KLHDC4: variants seen among roughly 807,000 people sequenced by gnomAD.
KLHDC4 encodes the protein kelch domain containing 4.
In KLHDC4, 90 loss-of-function variants were observed where a neutral mutation model predicts 62.4. The ratio of observed to expected loss-of-function variants is 1.44; its 90% CI spans 1.22 to 1.72. The LOEUF (loss-of-function observed/expected upper bound fraction) is 1.72. Ranked by LOEUF, KLHDC4 falls within the 40% of genes most tolerant of loss-of-function variation. The pLI is 0.00. For missense variants in KLHDC4, 1,025 were observed against 699.7 expected (o/e 1.47, Z -5.25); for synonymous variants, 386 against 284.4 (o/e 1.36, Z -3.59).
intron 5 of KLHDC4, among the ~76,000 whole-genome samples, chr16:87,731,559 A>T (rs1324582174): frequency 1.3e-5 from 2 of 152,118 alleles, no homozygotes; most frequent in African/African-American, 4.8e-5. Flanking sequence ...ACTTCCTACC[A>T]CACATGGCTG....
chr16:87,725,610 T>G (rs968158628), intron 7 of KLHDC4, among the ~76,000 whole-genome samples: 6 of 152,152 alleles, frequency 3.9e-5, no homozygotes, highest in African/African-American at 1.4e-4. Context: ...ACTTCATACC[T>G]CTCAGATTCA....
At chr16:87,699,732 C>A (rs2034052713) in exon 1 of KLHDC4, 1 of 152,266 alleles carries the variant, frequency 6.6e-6, no homozygotes, top group Non-Finnish European at 1.5e-5. Flanking sequence ...GACGGGCCCT[C>A]CCCTGCATTC....
intron 4 of KLHDC4, among the ~76,000 whole-genome samples, chr16:87,753,643 T>C (rs931748993): frequency 3.3e-5 from 5 of 150,378 alleles, no homozygotes; most frequent in African/African-American, 1.2e-4. Context: ...CTACTGAAAA[T>C]ACAAAAAATT....
chr16:87,744,556 C>G (rs1379264012), intron 5 of KLHDC4, among the ~76,000 whole-genome samples: 1 of 150,578 alleles, frequency 6.6e-6, no homozygotes, highest in Non-Finnish European at 1.5e-5. Flanking sequence ...GCACTCCAGC[C>G]TGGGCAACAG....
intron 3 of KLHDC4, chr16:87,755,847 G>C (rs970676458): frequency 6.1e-6 from 1 of 163,588 alleles, no homozygotes; most frequent in African/African-American, 2.4e-5. Context: ...TTACAGGCAT[G>C]AGCCACTGTA....
exon 1 of KLHDC4, chr16:87,698,386 CTCCTGCTCTGTGCAGCTCTCACAA>C (rs1363017649): frequency 9.0e-6 from 1 of 110,988 alleles, no homozygotes; most frequent in African/African-American, 5.6e-5. Context: ...AGCTCTCAGA[CTCCTGCTCTGTGCAGCTCTCACAA>C]AGATCACAGC....
intron 5 of KLHDC4, among the ~76,000 whole-genome samples, chr16:87,737,519 C>T (rs535190572): frequency 6.6e-6 from 1 of 150,750 alleles, no homozygotes; most frequent in South Asian, 2.1e-4. Context: ...ACTCAGGAGG[C>T]GGAGGTTGCC....
chr16:87,702,794 A>G (rs967024698), upstream of KLHDC4, among the ~76,000 whole-genome samples: 1 of 152,238 alleles, frequency 6.6e-6, no homozygotes, highest in Non-Finnish European at 1.5e-5. Flanking sequence ...GCCCTGGCGC[A>G]TGTGAACTGC....
In KLHDC4 at chr16:87,711,222, GA is replaced by G. The variant is rs764604447; in HGVS notation, c.1044+12del. On this transcript the variant is annotated intron_variant, in intron 9 of 11. Coordinates refer to ENST00000270583, the MANE Select transcript of KLHDC4 (RefSeq NM_017566.4). ...TGCGCACCACGGCGCATGCTACTCA[GA>G]GGTTGCACTACCTTCAGCTGTCCCT... The G allele has an allele frequency of 3.2e-4, 510 of 1,613,672 alleles. No individual in the cohort carries two copies. Among genetic ancestry groups the G allele is most frequent in the Non-Finnish European group, 4.0e-4 (470 of 1,179,848 alleles).
At chr16:87,737,556 C>G (rs959299268) in intron 5 of KLHDC4, among the ~76,000 whole-genome samples, 1 of 151,792 alleles carries the variant, frequency 6.6e-6, no homozygotes, top group African/African-American at 2.4e-5. Context: ...CCACCGCACT[C>G]CAGCTCACCT....
At chr16:87,703,207 G>C (rs976682164), downstream of KLHDC4, 2 of 152,102 alleles carry the variant, frequency 1.3e-5, no homozygotes, top group Admixed American at 6.5e-5. Flanking sequence ...GGAATCGCGA[G>C]TGAGTTCCAT....
Position 87,765,971 on chromosome 16 carries a change from G to A in KLHDC4, c.-81C>T, listed in dbSNP as rs2046607316. The A allele has an allele frequency of 1.5e-6, 2 of 1,357,924 alleles. No homozygotes were observed. The highest frequency in any genetic ancestry group is 1.4e-5 in the African/African-American group (1 of 69,328). 84.1% of individuals were successfully genotyped at this position (1,357,924 alleles called of 1,614,324 possible). A position where few individuals can be genotyped will look rare whatever the true frequency, so the allele number is the denominator to read the frequency against. On this transcript the variant is annotated 5_prime_UTR_variant, in exon 1 of 12. Transcript: ENST00000270583. ...CCGCTCGGAAACAGGTGCTCGTGGG[G>A]CGGAGCTCGGCGCACAGAAATGGAG...
chr16:87,740,774 C>T (rs1185824822), intron 5 of KLHDC4: 3 of 152,292 alleles, frequency 2.0e-5, no homozygotes, highest in Non-Finnish European at 4.4e-5. Context: ...ATTAACACCA[C>T]TGCCCTGAGC....
intron 4 of KLHDC4, among the ~76,000 whole-genome samples, chr16:87,753,096 G>A (rs1180755172): frequency 6.6e-6 from 1 of 152,214 alleles, no homozygotes; most frequent in Non-Finnish European, 1.5e-5. Flanking sequence ...GAGGAGACAA[G>A]GACTGGAGTT....
chr16:87,763,238 C>T (rs59113218), intron 1 of KLHDC4, among the ~76,000 whole-genome samples: 3,689 of 152,286 alleles, frequency 0.024, 154 homozygotes, highest in African/African-American at 0.083. Context: ...ATTAGTCTCA[C>T]GCTTTTCTTC....
chr16:87,714,567 T>G lies in KLHDC4; in HGVS notation c.766A>C (p.Lys256Gln), dbSNP rs201460321. 9.3e-6 allele frequency: 15 copies of G among 1,614,108 alleles called. No individual in the cohort carries two copies. The East Asian group carries it at 2.9e-4, about 31-fold the overall frequency. ...CGTGTGCCCTTGTCCACGTCTTTCT[T>G]AACTCTCTGCAATGGAAAGGAATTG... ...VYGGYSKQRV[K>Q]KDVDKGTRHS... Residue 256 changes from lysine (K) to glutamine (Q), a missense_variant, in exon 8 of 12, where the codon AAG becomes CAG. By Grantham distance (53) the Lys-to-Gln change is moderately conservative. Transcript: ENST00000270583.
chr16:87,764,646 C>CAAAAAAA (rs564692904), intron 1 of KLHDC4, among the ~76,000 whole-genome samples: 4 of 33,838 alleles, frequency 1.2e-4, no homozygotes, highest in African/African-American at 2.0e-4. Flanking sequence ...GAAACTCCTT[C>CAAAAAAA]AAAAAAAAAA....
chr16:87,708,537 G>T, intron 10 of KLHDC4, 71 bp from the exon 11 acceptor site: 5 of 1,140,698 alleles, frequency 4.4e-6, no homozygotes, highest in Non-Finnish European at 6.2e-6. Flanking sequence ...GCGGGACGGT[G>T]GTGGCTACGT....
chr16:87,759,516 G>A (rs2045539903), intron 2 of KLHDC4, among the ~76,000 whole-genome samples: 1 of 152,186 alleles, frequency 6.6e-6, no homozygotes, highest in Admixed American at 6.5e-5. Context: ...GGAGGCCGAG[G>A]TGGGTGGATC....
Sources: gnomAD v4.1 joint callset for allele counts (sites outside exome capture counted in the v4.1 genomes callset) on GRCh38, gnomAD v4.1.1 for gene constraint, MANE v1.5 for transcripts, NCBI Gene and HGNC (gene_info 2026-07-23, HGNC 2026-07-21) for gene names.